The following GRIA4 variants were observed in gnomAD, a reference collection of about 807,000 sequenced individuals.
GRIA4 encodes glutamate ionotropic receptor AMPA type subunit 4, also known as glutamate receptor 4.
A neutral mutation model predicts 104.0 loss-of-function variants in GRIA4; 34 were observed. The ratio of observed to expected loss-of-function variants is 0.33; its 90% CI spans 0.25 to 0.44. The LOEUF (loss-of-function observed/expected upper bound fraction) is 0.44. Among genes scored for constraint, GRIA4 ranks in the 20% least tolerant of loss-of-function variants. The pLI, the probability that GRIA4 is intolerant of heterozygous loss-of-function variation, is 1.00. For missense variants in GRIA4, 750 were observed against 1,096.5 expected, an observed-to-expected ratio of 0.68 and a Z score of 4.46; for synonymous variants, 386 against 381.9, an observed-to-expected ratio of 1.01 and a Z score of -0.13.
chr11:105,620,686 T>C (rs1398333442), intron 3 of GRIA4, among the ~76,000 whole-genome samples: 1 of 151,878 alleles, frequency 6.6e-6, no homozygotes, highest in African/African-American at 2.4e-5. Context: ...CATTACTTTA[T>C]ATTGCCAAAT....
intron 3 of GRIA4, among the ~76,000 whole-genome samples, chr11:105,664,240 A>T (rs975774285): frequency 6.6e-6 from 1 of 150,414 alleles, no homozygotes; most frequent in Non-Finnish European, 1.5e-5. Context: ...TGTGATATAA[A>T]TGACGGGGCA....
chr11:105,912,523 T>G (rs569453569), intron 10 of GRIA4: 12 of 320,886 alleles, frequency 3.7e-5, no homozygotes, highest in Non-Finnish European at 4.9e-5. Context: ...AACTGTTTTA[T>G]ATATATATAA....
At chr11:105,975,354 A>AT (rs149315046) in intron 16 of GRIA4, among the ~76,000 whole-genome samples, 78 of 149,456 alleles carry the variant, frequency 5.2e-4, no homozygotes, top group East Asian at 1.8e-3. Context: ...ATTACAAACT[A>AT]TTTTTTTTTT....
chr11:105,753,802 T>G (rs1015989443), intron 4 of GRIA4, among the ~76,000 whole-genome samples: 1 of 152,042 alleles, frequency 6.6e-6, no homozygotes, highest in African/African-American at 2.4e-5. Context: ...TTACTTTCAT[T>G]TCCTCCTTCA....
chr11:105,743,149 A>G (rs1023655463), intron 3 of GRIA4, among the ~76,000 whole-genome samples: 1 of 152,112 alleles, frequency 6.6e-6, no homozygotes. Context: ...GGTATCATTT[A>G]TCCCTGAGGT....
intron 4 of GRIA4, among the ~76,000 whole-genome samples, chr11:105,763,316 C>T (rs532001591): frequency 1.3e-5 from 2 of 152,122 alleles, no homozygotes; most frequent in Non-Finnish European, 2.9e-5. Flanking sequence ...ATGGTATGGA[C>T]GTGGAAGTTG....
intron 5 of GRIA4, among the ~76,000 whole-genome samples, chr11:105,875,185 T>C (rs1471123349): frequency 1.3e-5 from 2 of 152,210 alleles, no homozygotes; most frequent in African/African-American, 4.8e-5. Context: ...GTGGTTTTTG[T>C]TATTGGTTCT....
intron 7 of GRIA4, among the ~76,000 whole-genome samples, chr11:105,901,708 G>C (rs566919372): frequency 6.6e-6 from 1 of 152,282 alleles, no homozygotes; most frequent in Non-Finnish European, 1.5e-5. Context: ...GCACCACTCT[G>C]TGTGATACCT....
At chr11:105,782,869 G>C (rs1941789883) in intron 4 of GRIA4, among the ~76,000 whole-genome samples, 1 of 152,154 alleles carries the variant, frequency 6.6e-6, no homozygotes, top group South Asian at 2.1e-4. Context: ...TCTCGCTTCA[G>C]CATTTACTGG....
intron 1 of GRIA4, 24 bp from the exon 2 acceptor site, chr11:105,610,884 T>TTGG: frequency 6.3e-6 from 3 of 474,798 alleles, no homozygotes; most frequent in South Asian, 4.5e-5. Context: ...TTTTTTTTTT[T>TTGG]TTTTTGGTTG....
At chr11:105,973,587 TTA>T (rs1301530282) in intron 15 of GRIA4, among the ~76,000 whole-genome samples, 2 of 152,034 alleles carry the variant, frequency 1.3e-5, no homozygotes, top group African/African-American at 4.8e-5. Context: ...CATAAATAAC[TTA>T]TTTCTCAATT....
chr11:105,750,525 T>C (rs1041218321), intron 3 of GRIA4, among the ~76,000 whole-genome samples: 5 of 152,050 alleles, frequency 3.3e-5, no homozygotes, highest in African/African-American at 9.7e-5. Context: ...TGTATGATGA[T>C]GCAAATGAAC....
chr11:105,846,888 A>C (rs1481942803), intron 4 of GRIA4, among the ~76,000 whole-genome samples: 1 of 152,260 alleles, frequency 6.6e-6, no homozygotes, highest in Non-Finnish European at 1.5e-5. Context: ...ATAAAAGTTG[A>C]AAGAGTAACA....
chr11:105,648,621 A>G lies in GRIA4; in HGVS notation c.247+36187A>G, dbSNP rs75215061. Among the ~76,000 whole-genome samples the G allele has an allele frequency of 1.2e-4, 19 of 152,048 alleles. No homozygotes were observed. The East Asian group carries it at 2.9e-3, about 23-fold the overall frequency. ...AAAAAAAGAAAGAACTAGGAAGGGA[A>G]GGATGCAGAGAAAGAAAAGAAACAA... is the stretch of plus-strand genomic sequence containing the variant. On this transcript the variant is annotated intron_variant, in intron 3 of 16. Coordinates refer to ENST00000282499, the MANE Select transcript of GRIA4 (RefSeq NM_000829.4).
intron 3 of GRIA4, among the ~76,000 whole-genome samples, chr11:105,672,493 A>G (rs1316442708): frequency 2.0e-5 from 3 of 152,306 alleles, no homozygotes; most frequent in Admixed American, 1.3e-4. Context: ...CTATAAATAT[A>G]CCACAAGTAG....
At chr11:105,902,432 G>A (rs1946893337) in intron 7 of GRIA4, among the ~76,000 whole-genome samples, 1 of 151,644 alleles carries the variant, frequency 6.6e-6, no homozygotes, top group African/African-American at 2.4e-5. Flanking sequence ...CTGGGCTCAA[G>A]CGATCCTCCT....
intron 3 of GRIA4, among the ~76,000 whole-genome samples, chr11:105,718,831 G>A (rs1037552699): frequency 6.6e-6 from 1 of 152,120 alleles, no homozygotes. Flanking sequence ...CCAGAGTATT[G>A]AAATGGAAAA....
intron 4 of GRIA4, among the ~76,000 whole-genome samples, chr11:105,776,465 T>C (rs1370893964): frequency 1.3e-5 from 2 of 152,186 alleles, no homozygotes; most frequent in African/African-American, 4.8e-5. Flanking sequence ...GAAAAATAGA[T>C]AGTAAACAGA....
intron 3 of GRIA4, among the ~76,000 whole-genome samples, chr11:105,665,130 C>G (rs1026514276): frequency 6.6e-6 from 1 of 151,910 alleles, no homozygotes; most frequent in South Asian, 2.1e-4. Context: ...AAAATACACT[C>G]TTATGAAGAG....
Sources: gnomAD v4.1 joint callset for allele counts (sites outside exome capture counted in the v4.1 genomes callset) on GRCh38, gnomAD v4.1.1 for gene constraint, MANE v1.5 for transcripts, NCBI Gene and HGNC (gene_info 2026-07-23, HGNC 2026-07-21) for gene names.